The following TGFBR3 variants were observed in gnomAD, a reference collection of about 807,000 sequenced individuals.
TGFBR3 encodes the protein transforming growth factor beta receptor 3.
TGFBR3 carries 46 observed loss-of-function variants against 87.9 expected under a neutral mutation model. The observed-to-expected ratio is 0.52, with a 90% CI of 0.41 to 0.67. TGFBR3 has a LOEUF of 0.67. Ranked by LOEUF, TGFBR3 falls within the 30% of genes least tolerant of loss-of-function variation. TGFBR3 has a pLI of 0.00. For missense variants in TGFBR3, 866 were observed against 1,041.9 expected (o/e 0.83, Z 2.32); for synonymous variants, 381 against 391.6 (o/e 0.97, Z 0.32).
intron 16 of TGFBR3, among the ~76,000 whole-genome samples, chr1:91,693,037 C>G (rs1229559299): frequency 6.6e-6 from 1 of 152,100 alleles, no homozygotes; most frequent in African/African-American, 2.4e-5. Context: ...CCTGGCTCTC[C>G]CCATTGCCCA....
intron 3 of TGFBR3, among the ~76,000 whole-genome samples, chr1:91,777,103 A>G (rs1172646764): frequency 1.3e-5 from 2 of 152,194 alleles, no homozygotes; most frequent in East Asian, 3.8e-4. Context: ...AAAAATAGGA[A>G]CATAGGAAGT....
intron 4 of TGFBR3, among the ~76,000 whole-genome samples, chr1:91,746,935 G>A (rs867727074): frequency 1.3e-5 from 2 of 152,156 alleles, no homozygotes; most frequent in Admixed American, 6.6e-5. Flanking sequence ...AATCAGTAGT[G>A]TAGGGTAGAC....
intron 2 of TGFBR3, among the ~76,000 whole-genome samples, chr1:91,801,582 A>G (rs549745769): frequency 1.2e-4 from 19 of 152,212 alleles, no homozygotes; most frequent in Non-Finnish European, 2.5e-4. Flanking sequence ...CTCCCAAAAA[A>G]TAAGATGGAT....
At chr1:91,713,773 A>G (rs769241330) in intron 12 of TGFBR3, among the ~76,000 whole-genome samples, 42 of 152,178 alleles carry the variant, frequency 2.8e-4, no homozygotes, top group Non-Finnish European at 5.1e-4. Context: ...GTATTTTTGC[A>G]ATACTTCTGA....
chr1:91,844,143 C>T (rs1286254305), intron 2 of TGFBR3, among the ~76,000 whole-genome samples: 1 of 152,228 alleles, frequency 6.6e-6, no homozygotes, highest in Non-Finnish European at 1.5e-5. Flanking sequence ...CACTAGCCTT[C>T]AGCCTTAAAG....
intron 1 of TGFBR3, among the ~76,000 whole-genome samples, chr1:91,863,606 T>C (rs1395774223): frequency 6.6e-6 from 1 of 152,234 alleles, no homozygotes; most frequent in Admixed American, 6.5e-5. Flanking sequence ...AATTAAGATA[T>C]AGCTATTTAT....
At chr1:91,685,407 C>A (rs1671057273) in intron 16 of TGFBR3, among the ~76,000 whole-genome samples, 1 of 149,804 alleles carries the variant, frequency 6.7e-6, no homozygotes, top group Non-Finnish European at 1.5e-5. Flanking sequence ...ACTGCAACCT[C>A]CACCCCCCGG....
At chr1:91,683,926 T>A in intron 16 of TGFBR3, 69 bp from the exon 17 acceptor site, 1 of 1,404,846 alleles carries the variant, frequency 7.1e-7, no homozygotes, top group South Asian at 1.2e-5. Flanking sequence ...CCTGAAAAGA[T>A]CATTTATTCC....
At chr1:91,690,396 AG>A (rs971520869) in intron 16 of TGFBR3, among the ~76,000 whole-genome samples, 1 of 152,078 alleles carries the variant, frequency 6.6e-6, no homozygotes, top group South Asian at 2.1e-4. Flanking sequence ...CACATTCAAA[AG>A]GGGGGGATTC....
At position 91,788,213 on chromosome 1, in the gene TGFBR3, C is replaced by A. The variant is rs17131559; in HGVS notation, c.246+9074G>T. ...TAATAGTGAACATGTCACCGCTACA[C>A]CCTCTGGCCTGGTTCCCCTAAGGTA... On this transcript the variant is annotated intron_variant, in intron 3 of 16. Coordinates refer to ENST00000212355, the MANE Select transcript of TGFBR3 (RefSeq NM_003243.5). Among the ~76,000 whole-genome samples, 876 of 152,330 alleles carry A rather than the reference C, an allele frequency of 5.8e-3. 15 individuals carry two copies. Among genetic ancestry groups the A allele is most frequent in the African/African-American group, 0.02 (838 of 41,568 alleles).
chr1:91,865,868 C>T (rs1452463523), intron 1 of TGFBR3, among the ~76,000 whole-genome samples: 6 of 149,194 alleles, frequency 4.0e-5, no homozygotes, highest in East Asian at 2.0e-4. Flanking sequence ...GCTGAGATCG[C>T]GCCACTGCAC....
rs193292303 is a variant in TGFBR3, at chr1:91,722,154, T to G, written c.886-10A>C. On this transcript the variant is annotated splice_polypyrimidine_tract_variant and intron_variant, in intron 7 of 16. Transcript: ENST00000212355. ...CAATACTGTTAGGAGCCTGAAGATA[T>G]AGCAAAAAAATCACTCATGAGTCTA... is the stretch of plus-strand genomic sequence containing the variant. 20 of 1,612,730 alleles carry G rather than the reference T, an allele frequency of 1.2e-5. No individual in the cohort carries two copies. The highest frequency in any genetic ancestry group is 2.2e-5 in the East Asian group (1 of 44,796).
intron 2 of TGFBR3, among the ~76,000 whole-genome samples, chr1:91,859,439 G>T (rs1292647362): frequency 6.7e-6 from 1 of 150,290 alleles, no homozygotes; most frequent in Non-Finnish European, 1.5e-5. Context: ...GGGGTGGGGG[G>T]GTGCATTTCT....
chr1:91,875,740 T>C (rs1166184068), intron 1 of TGFBR3, among the ~76,000 whole-genome samples: 5 of 126,922 alleles, frequency 3.9e-5, no homozygotes, highest in Non-Finnish European at 7.9e-5. Flanking sequence ...ATAGAAAAAT[T>C]AGCTGGGCAT....
intron 4 of TGFBR3, 31 bp from the exon 5 acceptor site, chr1:91,734,990 G>T: frequency 6.2e-7 from 1 of 1,612,482 alleles, no homozygotes; most frequent in Non-Finnish European, 8.5e-7. Context: ...TATTTAACAT[G>T]GTGCAGTCAC....
At chr1:91,712,933 C>T (rs565623119) in intron 12 of TGFBR3, among the ~76,000 whole-genome samples, 3 of 152,322 alleles carry the variant, frequency 2.0e-5, no homozygotes, top group Admixed American at 6.5e-5. Context: ...TAGTACAACA[C>T]TTATAAGCTA....
chr1:91,878,942 C>T (rs2101277187), intron 1 of TGFBR3, among the ~76,000 whole-genome samples: 1 of 152,258 alleles, frequency 6.6e-6, no homozygotes, highest in Admixed American at 6.5e-5. Flanking sequence ...ACATTTCAGA[C>T]TTAATTCTAA....
Position 91,680,850 on chromosome 1 carries a change from G to T in TGFBR3, c.*2889C>A, listed in dbSNP as rs1240018564. ...AATGGATTTACAATCTTATTACAAG[G>T]CAAAGAAAAAAACCATTTTTTTTGT... On this transcript the variant is annotated 3_prime_UTR_variant, in exon 17 of 17. Coordinates refer to ENST00000212355, the MANE Select transcript of TGFBR3 (RefSeq NM_003243.5). The T allele has an allele frequency of 6.7e-6, 3 of 448,010 alleles. No homozygotes were observed. 27.8% of individuals were successfully genotyped at this position (448,010 alleles called of 1,614,324 possible). A position where few individuals can be genotyped will look rare whatever the true frequency, so the allele number is the denominator to read the frequency against.
At chr1:91,891,554 G>C (rs1215226363) in intron 2 of TGFBR3, among the ~76,000 whole-genome samples, 1 of 150,770 alleles carries the variant, frequency 6.6e-6, no homozygotes, top group Admixed American at 6.6e-5. Context: ...AAAAATGAAA[G>C]TTTGTTTAGA....
Sources: allele counts gnomAD v4.1 joint callset (sites outside exome capture counted in the v4.1 genomes callset), GRCh38; gene constraint gnomAD v4.1.1; transcripts MANE v1.5; gene names NCBI Gene and HGNC (gene_info 2026-07-23, HGNC 2026-07-21).